Variants in TECRL observed in about 807,000 individuals in gnomAD.
TECRL encodes the protein trans-2,3-enoyl-CoA reductase-like.
A neutral mutation model predicts 52.8 loss-of-function variants in TECRL; 63 were observed. That is an observed-to-expected ratio of 1.19 (90% CI 0.97 to 1.47). The LOEUF (loss-of-function observed/expected upper bound fraction) is 1.47. Ranked by LOEUF, TECRL falls within the 40% of genes most tolerant of loss-of-function variation. The pLI is 0.00. For missense variants in TECRL, 482 were observed against 429.6 expected (o/e 1.12, Z -1.08); for synonymous variants, 164 against 141.9 (o/e 1.16, Z -1.10).
intron 1 of TECRL, among the ~76,000 whole-genome samples, chr4:64,387,662 T>C (rs892972557): frequency 6.6e-6 from 1 of 152,064 alleles, no homozygotes; most frequent in African/African-American, 2.4e-5. Context: ...AGAGTCTCTT[T>C]TTGTATATTT....
At chr4:64,300,489 TG>T (rs2109974895) in intron 7 of TECRL, among the ~76,000 whole-genome samples, 1 of 150,830 alleles carries the variant, frequency 6.6e-6, no homozygotes, top group Non-Finnish European at 1.5e-5. Context: ...ATTACTTGCC[TG>T]ACCTTAAAAT....
intron 8 of TECRL, among the ~76,000 whole-genome samples, chr4:64,294,144 G>A (rs1258578452): frequency 1.3e-5 from 2 of 151,478 alleles, no homozygotes; most frequent in Admixed American, 6.6e-5. Context: ...ATGCCACCAC[G>A]CCCAGCTAAT....
chr4:64,407,930 A>AT, intron 1 of TECRL, among the ~76,000 whole-genome samples: 1 of 151,640 alleles, frequency 6.6e-6, no homozygotes, highest in African/African-American at 2.4e-5. Flanking sequence ...TCAAAATTCT[A>AT]TTTTGTATGA....
At chr4:64,349,818 A>G (rs1188888656) in intron 2 of TECRL, among the ~76,000 whole-genome samples, 1 of 152,196 alleles carries the variant, frequency 6.6e-6, no homozygotes, top group African/African-American at 2.4e-5. Flanking sequence ...TATAGAAATA[A>G]GTTGACTATA....
chr4:64,378,963 A>G (rs1396306141), intron 1 of TECRL, among the ~76,000 whole-genome samples: 1 of 151,902 alleles, frequency 6.6e-6, no homozygotes, highest in East Asian at 1.9e-4. Flanking sequence ...ATACATATAT[A>G]TGTATGCATA....
At chr4:64,395,100 C>T (rs1035152533) in intron 1 of TECRL, among the ~76,000 whole-genome samples, 2 of 151,540 alleles carry the variant, frequency 1.3e-5, no homozygotes, top group Non-Finnish European at 2.9e-5. Context: ...TTAGTAGAAA[C>T]AGATTGGCCA....
chr4:64,390,102 A>G (rs1723446481), intron 1 of TECRL, among the ~76,000 whole-genome samples: 1 of 151,896 alleles, frequency 6.6e-6, no homozygotes, highest in Non-Finnish European at 1.5e-5. Context: ...TGCCTGTTAC[A>G]GGTCTCACTT....
At chr4:64,342,077 G>A (rs980151866) in intron 2 of TECRL, among the ~76,000 whole-genome samples, 1 of 152,122 alleles carries the variant, frequency 6.6e-6, no homozygotes, top group Non-Finnish European at 1.5e-5. Context: ...TCAGGCAAAG[G>A]CATCACTAGC....
chr4:64,287,293 T>C (rs1452910893), intron 9 of TECRL, among the ~76,000 whole-genome samples: 1 of 152,148 alleles, frequency 6.6e-6, no homozygotes, highest in Non-Finnish European at 1.5e-5. Flanking sequence ...AACAAACATA[T>C]GCTTATATTA....
At chr4:64,322,431 C>T (rs1435055276) in intron 4 of TECRL, among the ~76,000 whole-genome samples, 4 of 142,850 alleles carry the variant, frequency 2.8e-5, no homozygotes, top group African/African-American at 8.0e-5. Context: ...TTGAAGCTCC[C>T]AGTAATAGAG....
rs1718818259 is a variant in TECRL, at chr4:64,333,739, G to GTGTAAATT, written c.287-5184_287-5183insAATTTACA. Among the ~76,000 whole-genome samples the GTGTAAATT allele has an allele frequency of 2.6e-3, 388 of 149,666 alleles. 29 individuals are homozygous for GTGTAAATT. Among genetic ancestry groups the GTGTAAATT allele is most frequent in the African/African-American group, 5.9e-3 (235 of 39,674 alleles). On this transcript the variant is annotated intron_variant, in intron 2 of 11. Transcript: ENST00000381210. The stretch of plus-strand genomic sequence containing the variant: ...GTGTCATGGCATGAGAGAATGTCCT[G>GTGTAAATT]GCCGGGCGCGGTGGCTCACGCCTGT...
intron 1 of TECRL, among the ~76,000 whole-genome samples, chr4:64,398,239 G>T (rs1724099512): frequency 2.0e-5 from 3 of 152,044 alleles, no homozygotes; most frequent in Admixed American, 2.0e-4. Context: ...GTATTTCTCA[G>T]GTGCGTCTAA....
intron 4 of TECRL, among the ~76,000 whole-genome samples, chr4:64,321,644 CTA>C (rs1398251737): frequency 6.6e-6 from 1 of 152,086 alleles, no homozygotes. Context: ...TTGATTTATT[CTA>C]TTACCCATGA....
chr4:64,310,743 T>C (rs1212647808), intron 5 of TECRL, among the ~76,000 whole-genome samples: 1 of 152,186 alleles, frequency 6.6e-6, no homozygotes, highest in Non-Finnish European at 1.5e-5. Context: ...GTTTTTGTTT[T>C]TAGAGACAGG....
At chr4:64,409,063 G>T in intron 1 of TECRL, 55 bp downstream of exon 1, 1 of 1,370,096 alleles carries the variant, frequency 7.3e-7, no homozygotes, top group Non-Finnish European at 9.9e-7. Context: ...ATAATATTTG[G>T]GGCAGAGAAG....
intron 1 of TECRL, among the ~76,000 whole-genome samples, chr4:64,403,332 A>G (rs1315435638): frequency 6.6e-6 from 1 of 151,932 alleles, no homozygotes. Context: ...TTAACTATAC[A>G]TGGATATCAC....
intron 2 of TECRL, among the ~76,000 whole-genome samples, chr4:64,366,463 G>A (rs1721603832): frequency 6.6e-6 from 1 of 151,970 alleles, no homozygotes; most frequent in East Asian, 1.9e-4. Flanking sequence ...AACTATCAAT[G>A]AAGTGAATGA....
chr4:64,335,046 T>A (rs1718955219), intron 2 of TECRL, among the ~76,000 whole-genome samples: 1 of 152,202 alleles, frequency 6.6e-6, no homozygotes, highest in African/African-American at 2.4e-5. Flanking sequence ...TCAGACCTGA[T>A]TGTCCACCTC....
intron 1 of TECRL, among the ~76,000 whole-genome samples, chr4:64,387,046 G>A (rs1341737662): frequency 6.6e-6 from 1 of 152,126 alleles, no homozygotes; most frequent in African/African-American, 2.4e-5. Flanking sequence ...ATTATGCACA[G>A]TGTTTTCACT....
Sources: gnomAD v4.1 joint callset for allele counts (sites outside exome capture counted in the v4.1 genomes callset) on GRCh38, gnomAD v4.1.1 for gene constraint, MANE v1.5 for transcripts, NCBI Gene and HGNC (gene_info 2026-07-23, HGNC 2026-07-21) for gene names.